The following EPN2 variants were observed in gnomAD, a reference collection of about 807,000 sequenced individuals.
EPN2 encodes the protein epsin 2, also known as epsin-2.
A neutral mutation model predicts 61.7 loss-of-function variants in EPN2; 34 were observed. The ratio of observed to expected loss-of-function variants is 0.55; its 90% CI spans 0.42 to 0.73. The LOEUF is 0.73. Among genes scored for constraint, EPN2 ranks in the 30% least tolerant of loss-of-function variants. The probability of loss-of-function intolerance (pLI) is 0.00; values close to 1 mark genes in which losing one functional copy is unlikely to be tolerated. For missense variants in EPN2, 714 were observed against 839.2 expected (o/e 0.85, Z 1.84); for synonymous variants, 349 against 353.6 (o/e 0.99, Z 0.15).
chr17:19,309,155 T>G (rs1368568234), intron 4 of EPN2, among the ~76,000 whole-genome samples: 1 of 151,420 alleles, frequency 6.6e-6, no homozygotes, highest in Non-Finnish European at 1.5e-5. Context: ...TTTTTTTTTT[T>G]TTTTTTGAGA....
intron 1 of EPN2, among the ~76,000 whole-genome samples, chr17:19,242,467 G>A (rs909630461): frequency 2.6e-5 from 4 of 152,074 alleles, no homozygotes; most frequent in Non-Finnish European, 5.9e-5. Flanking sequence ...AACCAGATCC[G>A]CAACATTGTT....
chr17:19,266,405 AT>A (rs5819665), intron 1 of EPN2, among the ~76,000 whole-genome samples: 5,273 of 141,958 alleles, frequency 0.037, 348 homozygotes, highest in South Asian at 0.21. Flanking sequence ...TATTTATTTT[AT>A]TTTTTTTTTT....
intron 1 of EPN2, among the ~76,000 whole-genome samples, chr17:19,256,131 G>T (rs1229827149): frequency 6.6e-6 from 1 of 151,864 alleles, no homozygotes; most frequent in Non-Finnish European, 1.5e-5. Flanking sequence ...TAGAGACGGG[G>T]TTTCACCATG....
At chr17:19,246,486 T>C (rs1036357676) in intron 1 of EPN2, among the ~76,000 whole-genome samples, 4 of 152,088 alleles carry the variant, frequency 2.6e-5, no homozygotes, top group African/African-American at 9.7e-5. Context: ...GGTGTGAGCA[T>C]TTTCCCAAGG....
intron 1 of EPN2, among the ~76,000 whole-genome samples, chr17:19,238,267 G>A (rs1046897906): frequency 6.6e-6 from 1 of 152,230 alleles, no homozygotes; most frequent in Non-Finnish European, 1.5e-5. Flanking sequence ...GTGGGGTCTG[G>A]CCTCTTCCAG....
rs553328857 is a variant in EPN2 at position 19,277,540 on chromosome 17, C to T, written c.-293-4415C>T. ...GAGAAGATGTTTAAATGTTTACAGG[C>T]TGTCCTGTGGTTGAGGGGAAACAGT... On this transcript the variant is annotated intron_variant, in intron 1 of 10. Coordinates refer to ENST00000314728, the MANE Select transcript of EPN2 (RefSeq NM_014964.5). Among the ~76,000 whole-genome samples the T allele has an allele frequency of 3.3e-5, 5 of 152,098 alleles. No homozygotes were observed. In the East Asian group the frequency reaches 9.7e-4, roughly 29 times the overall value.
intron 1 of EPN2, among the ~76,000 whole-genome samples, chr17:19,247,321 CTAAT>C (rs2044964029): frequency 6.6e-6 from 1 of 152,070 alleles, no homozygotes; most frequent in South Asian, 2.1e-4. Flanking sequence ...AGAACTTAAT[CTAAT>C]TGAGAAGACA....
At chr17:19,286,564 G>A (rs890182627) in intron 4 of EPN2, among the ~76,000 whole-genome samples, 2 of 152,158 alleles carry the variant, frequency 1.3e-5, no homozygotes, top group Admixed American at 1.3e-4. Context: ...AGGGAAGAAA[G>A]GTGTCTGTTC....
chr17:19,329,486 G>A (rs974977753), intron 8 of EPN2, 75 bp from the exon 9 acceptor site: 5 of 860,622 alleles, frequency 5.8e-6, no homozygotes, highest in Non-Finnish European at 9.6e-6. Context: ...CCATCCTGAG[G>A]GTGTGCACTG....
At chr17:19,237,556 A>C (rs1426796019) in intron 1 of EPN2, 25 bp downstream of exon 1, 1 of 152,270 alleles carries the variant, frequency 6.6e-6, no homozygotes, top group East Asian at 1.9e-4. Flanking sequence ...GTGGGGCTCC[A>C]AGGCCAGAGC....
intron 7 of EPN2, among the ~76,000 whole-genome samples, chr17:19,327,544 A>G (rs1314160291): frequency 6.6e-6 from 1 of 152,076 alleles, no homozygotes; most frequent in Non-Finnish European, 1.5e-5. Context: ...GCGTGGTGAC[A>G]TTCCTGTAGT....
At chr17:19,271,086 G>A (rs2045248075) in intron 1 of EPN2, among the ~76,000 whole-genome samples, 2 of 152,098 alleles carry the variant, frequency 1.3e-5, no homozygotes, top group Admixed American at 1.3e-4. Flanking sequence ...CACATGGAAG[G>A]TGTTTGTTGA....
In EPN2 at chr17:19,334,342, G is replaced by T; in HGVS notation, c.*88G>T. ...CTGTGGGACGGGATCCAAGAGTTTG[G>T]GGATTAGGGGTATTAGGGCTTTTCA... is the stretch of plus-strand genomic sequence containing the variant. On this transcript the variant is annotated 3_prime_UTR_variant, in exon 11 of 11. Coordinates refer to ENST00000314728, the MANE Select transcript of EPN2 (RefSeq NM_014964.5). The surrounding 1 kb of genome is among the most constrained non-coding windows in gnomAD (Gnocchi z 4.9). The T allele has an allele frequency of 8.6e-7, 1 of 1,159,104 alleles. No individual in the cohort carries two copies. The allele number at this position is 1,159,104 out of a possible 1,614,324, so 71.8% of individuals were successfully genotyped here. A position where few individuals can be genotyped will look rare whatever the true frequency, so the allele number is the denominator to read the frequency against.
chr17:19,308,266 G>C, intron 4 of EPN2: 2 of 683,942 alleles, frequency 2.9e-6, no homozygotes, highest in Non-Finnish European at 3.6e-6. Context: ...TAGAGACCGG[G>C]TTTTACCATT....
intron 1 of EPN2, among the ~76,000 whole-genome samples, chr17:19,244,848 G>A (rs1453743796): frequency 1.3e-5 from 2 of 152,148 alleles, no homozygotes; most frequent in African/African-American, 4.8e-5. Context: ...CCTGCCCCAG[G>A]CCATACAGTT....
intron 1 of EPN2, among the ~76,000 whole-genome samples, chr17:19,243,410 T>TG: frequency 7.0e-6 from 1 of 143,662 alleles, no homozygotes; most frequent in Admixed American, 6.9e-5. Context: ...TTTTTTTTTT[T>TG]TTGAGACGGA....
Position 19,328,810 on chromosome 17 carries a change from A to T in EPN2, c.1247A>T (p.Gln416Leu). The change falls in exon 8 of 11, where the codon CAG (glutamine) becomes CTG (leucine). Residue 416 changes from glutamine (Q) to leucine (L), a missense_variant. Transcript: ENST00000314728. Reference protein sequence around the residue: ...KNSDPWAASQQPASSAGKRAS... With the variant: ...KNSDPWAASQLPASSAGKRAS... ...TCGGACCCCTGGGCAGCTTCACAGC[A>T]GCCTGCCTCCAGTGCTGGGAAAAGA... The T allele has an allele frequency of 1.2e-6, 2 of 1,613,606 alleles. No individual in the cohort carries two copies. Among genetic ancestry groups the T allele is most frequent in the Non-Finnish European group, 1.7e-6 (2 of 1,179,700 alleles).
In EPN2 at chr17:19,335,440, G is replaced by A; in HGVS notation, c.*1186G>A. ...ATTAACAGGACTTCTGTTTACAATG[G>A]AAATCTGAAATGGAAGAAACATCTT... On this transcript the variant is annotated 3_prime_UTR_variant, in exon 11 of 11. Transcript: ENST00000314728. 1 of 1,549,886 alleles carries A rather than the reference G, an allele frequency of 6.5e-7. No homozygotes were observed. The highest frequency in any genetic ancestry group is 1.2e-5 in the South Asian group (1 of 83,982).
chr17:19,319,932 C>T (rs1598020498), intron 7 of EPN2, among the ~76,000 whole-genome samples: 1 of 152,256 alleles, frequency 6.6e-6, no homozygotes, highest in Non-Finnish European at 1.5e-5. Context: ...GCGTGAGCAG[C>T]GTTGGGATTA....
Sources: gnomAD v4.1 joint callset for allele counts (sites outside exome capture counted in the v4.1 genomes callset) on GRCh38, gnomAD v4.1.1 for gene constraint, Gnocchi (gnomAD v3.1) non-coding constraint, MANE v1.5 for transcripts, NCBI Gene and HGNC (gene_info 2026-07-23, HGNC 2026-07-21) for gene names.